The following EPHA6 variants were observed in gnomAD, a reference collection of about 807,000 sequenced individuals.
EPHA6 encodes the protein EPH receptor A6.
Under a neutral mutation model 112.0 loss-of-function variants are expected in EPHA6, and 50 were observed. The ratio of observed to expected loss-of-function variants is 0.45; its 90% CI spans 0.36 to 0.56. The LOEUF is 0.56. EPHA6 is among the 20% of genes least tolerant of loss of function. The pLI is 0.00. For synonymous variants in EPHA6, 529 were observed against 490.7 expected, an observed-to-expected ratio of 1.08 and a Z score of -1.03; for missense variants, 1,280 against 1,417.4, an observed-to-expected ratio of 0.90 and a Z score of 1.56.
intron 5 of EPHA6, among the ~76,000 whole-genome samples, chr3:97,348,184 G>A (rs560470500): frequency 6.6e-6 from 1 of 152,034 alleles, no homozygotes; most frequent in Non-Finnish European, 1.5e-5. Flanking sequence ...TAATGCCATA[G>A]GCTAAGTATT....
intron 14 of EPHA6, among the ~76,000 whole-genome samples, chr3:97,692,326 A>AT (rs1363832059): frequency 6.6e-6 from 1 of 152,120 alleles, no homozygotes; most frequent in Non-Finnish European, 1.5e-5. Context: ...TCAATTACAG[A>AT]TTTTTTTAGA....
At chr3:96,816,009 C>T (rs6798644) in intron 1 of EPHA6, among the ~76,000 whole-genome samples, 141,113 of 152,178 alleles carry the variant, frequency 0.93, 65,523 homozygotes, top group East Asian at 1. Context: ...TCATTTAACA[C>T]ATAAGGCATA....
chr3:97,044,144 A>T (rs954379389), intron 3 of EPHA6, among the ~76,000 whole-genome samples: 1 of 152,192 alleles, frequency 6.6e-6, no homozygotes, highest in African/African-American at 2.4e-5. Flanking sequence ...ACATGTGACA[A>T]AGTCCTTTTT....
At chr3:97,544,528 A>G (rs1318052145) in intron 11 of EPHA6, among the ~76,000 whole-genome samples, 3 of 152,194 alleles carry the variant, frequency 2.0e-5, no homozygotes, top group East Asian at 1.9e-4. Context: ...ATCGATGTTC[A>G]TCAAGGACAT....
intron 3 of EPHA6, among the ~76,000 whole-genome samples, chr3:97,173,566 C>G (rs2076753578): frequency 6.6e-6 from 1 of 151,820 alleles, no homozygotes. Context: ...TAACTACACT[C>G]TTAATTCTAC....
At chr3:97,584,601 A>G (rs1193594911) in intron 11 of EPHA6, among the ~76,000 whole-genome samples, 1 of 152,160 alleles carries the variant, frequency 6.6e-6, no homozygotes, top group Admixed American at 6.5e-5. Context: ...CCTGTATTAT[A>G]ATACCTAAAA....
chr3:97,130,098 G>A (rs1299966354), intron 3 of EPHA6, among the ~76,000 whole-genome samples: 3 of 152,084 alleles, frequency 2.0e-5, no homozygotes, highest in Non-Finnish European at 4.4e-5. Context: ...ATCTGTCAAA[G>A]TGCATTTTGT....
intron 13 of EPHA6, among the ~76,000 whole-genome samples, chr3:97,620,817 A>C (rs2093807894): frequency 6.6e-6 from 1 of 152,074 alleles, no homozygotes; most frequent in African/African-American, 2.4e-5. Context: ...TGTTGGTGGC[A>C]GTGTAAATTA....
chr3:97,216,410 G>A (rs1327754875), intron 3 of EPHA6, among the ~76,000 whole-genome samples: 2 of 152,106 alleles, frequency 1.3e-5, no homozygotes. Flanking sequence ...CTCCAACATT[G>A]AGAATCACAT....
chr3:96,999,241 A>G lies in EPHA6; in HGVS notation c.1114+11248A>G, dbSNP rs570920198. On this transcript the variant is annotated intron_variant, in intron 3 of 17. Transcript: ENST00000389672. The stretch of plus-strand genomic sequence containing the variant: ...GTGTCATCAGTTTTTTTATTTGAAA[A>G]GTTTGTGATTATACCAACCCAGTTC... Among the ~76,000 whole-genome samples, 5 of 151,940 alleles carry G rather than the reference A, an allele frequency of 3.3e-5. No homozygotes were observed. In the South Asian group the frequency reaches 1.0e-3, roughly 31 times the overall value.
chr3:97,513,427 A>C (rs545066562), intron 10 of EPHA6, among the ~76,000 whole-genome samples: 32 of 152,336 alleles, frequency 2.1e-4, no homozygotes, highest in Admixed American at 1.6e-3. Flanking sequence ...CTAAGTGTCC[A>C]CCAACAGATA....
At chr3:96,892,732 C>T (rs1265270348) in intron 2 of EPHA6, among the ~76,000 whole-genome samples, 2 of 152,098 alleles carry the variant, frequency 1.3e-5, no homozygotes, top group South Asian at 4.2e-4. Flanking sequence ...ATTTTCTGCT[C>T]ATGCATTCCA....
chr3:97,043,227 A>G (rs78075274), intron 3 of EPHA6, among the ~76,000 whole-genome samples: 11,467 of 152,106 alleles, frequency 0.075, 746 homozygotes, highest in Admixed American at 0.22. Flanking sequence ...CAGTCCTAAT[A>G]TAGGACCAGA....
chr3:96,873,727 T>C (rs868276896), intron 2 of EPHA6, among the ~76,000 whole-genome samples: 1 of 152,128 alleles, frequency 6.6e-6, no homozygotes, highest in Admixed American at 6.6e-5. Context: ...TTGTGGTATG[T>C]ATGTTGAGCA....
chr3:97,034,031 T>C (rs931209773), intron 3 of EPHA6, among the ~76,000 whole-genome samples: 3 of 151,948 alleles, frequency 2.0e-5, no homozygotes, highest in African/African-American at 7.2e-5. Flanking sequence ...TTAAACTTAT[T>C]GCTGACCACA....
At chr3:97,530,644 A>G (rs1195677090) in intron 10 of EPHA6, among the ~76,000 whole-genome samples, 1 of 151,718 alleles carries the variant, frequency 6.6e-6, no homozygotes, top group Non-Finnish European at 1.5e-5. Context: ...AAATTTATAC[A>G]AGATTTATAA....
At chr3:97,192,477 A>C (rs2077333407) in intron 3 of EPHA6, among the ~76,000 whole-genome samples, 1 of 152,094 alleles carries the variant, frequency 6.6e-6, no homozygotes, top group Non-Finnish European at 1.5e-5. Context: ...CTGGGTTATC[A>C]GATTTTCTCC....
At chr3:97,225,759 A>G (rs1384478925) in intron 3 of EPHA6, among the ~76,000 whole-genome samples, 1 of 152,210 alleles carries the variant, frequency 6.6e-6, no homozygotes. Flanking sequence ...TACAGCATAT[A>G]CAAAAGAAAA....
chr3:97,530,156 C>T (rs1464409107), intron 10 of EPHA6, among the ~76,000 whole-genome samples: 1 of 151,940 alleles, frequency 6.6e-6, no homozygotes, highest in Non-Finnish European at 1.5e-5. Context: ...CCAGAGTGAT[C>T]TGAGAATCAA....
Sources: gnomAD v4.1 joint callset for allele counts (sites outside exome capture counted in the v4.1 genomes callset) on GRCh38, gnomAD v4.1.1 for gene constraint, MANE v1.5 for transcripts, NCBI Gene and HGNC (gene_info 2026-07-23, HGNC 2026-07-21) for gene names.